The following CCDC25 variants were observed in gnomAD, a reference collection of about 807,000 sequenced individuals.
CCDC25 encodes coiled-coil domain containing 25.
CCDC25 carries 16 observed loss-of-function variants against 35.3 expected under a neutral mutation model. The observed-to-expected ratio is 0.45, with a 90% CI of 0.31 to 0.69. The LOEUF is 0.69. Among genes scored for constraint, CCDC25 ranks in the 30% least tolerant of loss-of-function variants. The pLI, the probability that CCDC25 is intolerant of heterozygous loss-of-function variation, is 0.06. For synonymous variants in CCDC25, 79 were observed against 80.3 expected (o/e 0.98, Z 0.09); for missense variants, 179 against 250.7 (o/e 0.71, Z 1.93).
chr8:27,766,811 C>T (rs181615399), intron 1 of CCDC25, among the ~76,000 whole-genome samples: 19 of 152,100 alleles, frequency 1.2e-4, no homozygotes, highest in Admixed American at 6.6e-4. Context: ...AAACAAAATA[C>T]CATGTACCCA....
intron 3 of CCDC25, among the ~76,000 whole-genome samples, chr8:27,757,119 G>A (rs1033624379): frequency 6.6e-6 from 1 of 152,212 alleles, no homozygotes; most frequent in Admixed American, 6.5e-5. Context: ...GCCCCTGACT[G>A]AAGCATAGGA....
intron 1 of CCDC25, among the ~76,000 whole-genome samples, chr8:27,767,754 G>A (rs111802216): frequency 1.4e-3 from 209 of 152,252 alleles, no homozygotes; most frequent in Non-Finnish European, 2.1e-3. Context: ...GATGAAAAAC[G>A]TCTTTTGAGA....
At chr8:27,761,107 C>A (rs1804213831) in intron 3 of CCDC25, among the ~76,000 whole-genome samples, 1 of 150,852 alleles carries the variant, frequency 6.6e-6, no homozygotes, top group Non-Finnish European at 1.5e-5. Context: ...CCAGCCTCGG[C>A]AACAAGGGCG....
Position 27,763,488 on chromosome 8 carries a change from C to T in CCDC25, c.77-1030G>A, listed in dbSNP as rs185751124. Reference sequence around the variant, plus strand: ...ATCCCAGCACTTTGGGAGGCTGAGGCGAGCAGATCACCTGAGGTCAGGAGT... The same window carrying T: ...ATCCCAGCACTTTGGGAGGCTGAGGTGAGCAGATCACCTGAGGTCAGGAGT... On this transcript the variant is annotated intron_variant, in intron 2 of 8. Coordinates refer to ENST00000356537, the MANE Select transcript of CCDC25 (RefSeq NM_018246.3). Among the ~76,000 whole-genome samples, 5 of 152,236 alleles carry T rather than the reference C, an allele frequency of 3.3e-5. No individual in the cohort carries two copies. In the East Asian group the frequency reaches 5.8e-4, roughly 18 times the overall value.
Position 27,748,294 on chromosome 8 carries a change from G to T in CCDC25, c.349-15C>A. The T allele has an allele frequency of 6.2e-7, 1 of 1,603,800 alleles. No individual in the cohort carries two copies. Among genetic ancestry groups the T allele is most frequent in the South Asian group, 1.1e-5 (1 of 89,096 alleles). ...ACAATTTTTACCTTTAAGGGAGATA[G>T]GAGAAAAGATATTGCATCTTTTTGT... On this transcript the variant is annotated splice_polypyrimidine_tract_variant and intron_variant, in intron 6 of 8. Coordinates refer to ENST00000356537, the MANE Select transcript of CCDC25 (RefSeq NM_018246.3).
intron 2 of CCDC25, 28 bp from the exon 3 acceptor site, chr8:27,762,486 A>G (rs1352958783): frequency 1.2e-6 from 2 of 1,606,834 alleles, no homozygotes; most frequent in South Asian, 1.1e-5. Flanking sequence ...AAACGAAAGA[A>G]ACAAAAACTG....
intron 1 of CCDC25, among the ~76,000 whole-genome samples, chr8:27,770,331 G>A (rs1434924294): frequency 6.6e-6 from 1 of 152,024 alleles, no homozygotes; most frequent in Non-Finnish European, 1.5e-5. Context: ...AATCCTAGCT[G>A]TACCAGAATC....
In CCDC25 at chr8:27,767,372, AAAT is replaced by A. The variant is rs1427159301; in HGVS notation, c.29-2124_29-2122del. 2.0e-5 allele frequency among the ~76,000 whole-genome samples: 3 copies of A among 152,320 alleles called. No homozygotes were observed. In the South Asian group the frequency reaches 6.2e-4, roughly 32 times the overall value. On this transcript the variant is annotated intron_variant, in intron 1 of 8. Transcript: ENST00000356537. ...CAGCAAGACTGTCTCAAAAAAGAAA[AAAT>A]AATAACTGATATAAAATATTAATAA...
chr8:27,734,823 G>C lies in CCDC25; in HGVS notation c.*1393C>G, dbSNP rs1803161809. The C allele has an allele frequency of 1.3e-5, 2 of 152,136 alleles. No homozygotes were observed. Among genetic ancestry groups the C allele is most frequent in the Admixed American group, 1.3e-4 (2 of 15,268 alleles). The allele number at this position is 152,136 out of a possible 1,614,324, so 9.4% of individuals were successfully genotyped here. A position where few individuals can be genotyped will look rare whatever the true frequency, so the allele number is the denominator to read the frequency against. Reference sequence around the variant, plus strand: ...GGAGCACAGCTACGAATACATCTGAGATGTATCAAGAATACATCTGAGAAA... The same window carrying C: ...GGAGCACAGCTACGAATACATCTGACATGTATCAAGAATACATCTGAGAAA... On this transcript the variant is annotated 3_prime_UTR_variant, in exon 9 of 9. Coordinates refer to ENST00000356537, the MANE Select transcript of CCDC25 (RefSeq NM_018246.3).
rs1803912471 is a variant in CCDC25 at position 27,754,114 on chromosome 8, T to C, written c.169-1527A>G. Among the ~76,000 whole-genome samples the C allele has an allele frequency of 2.6e-5, 4 of 152,282 alleles. No homozygotes were observed. The South Asian group carries it at 8.3e-4, about 32-fold the overall frequency. ...TCTTTTGACCCAGGAAATCCATTCC[T>C]AAGAATTATTCTAAGAAAATAATGA... On this transcript the variant is annotated intron_variant, in intron 4 of 8. Coordinates refer to ENST00000356537, the MANE Select transcript of CCDC25 (RefSeq NM_018246.3).
At chr8:27,759,608 C>CAAAA (rs146836795) in intron 3 of CCDC25, among the ~76,000 whole-genome samples, 1 of 88,458 alleles carries the variant, frequency 1.1e-5, no homozygotes, top group African/African-American at 4.8e-5. Flanking sequence ...GACTCTGTCT[C>CAAAA]AAAAAAAAAA....
rs574955242 is a variant in CCDC25 at position 27,757,940 on chromosome 8, C to T, written c.117-1170G>A. ...AAAAGTGCACAGCCCCGGCACCCTG[C>T]TCCTGCCATGTAAGCCGCCTCGCTT... On this transcript the variant is annotated intron_variant, in intron 3 of 8. Transcript: ENST00000356537. Among the ~76,000 whole-genome samples, 8 of 152,260 alleles carry T rather than the reference C, an allele frequency of 5.3e-5. No homozygotes were observed. The East Asian group carries it at 1.5e-3, about 29-fold the overall frequency.
intron 1 of CCDC25, among the ~76,000 whole-genome samples, chr8:27,771,651 T>C (rs1257277838): frequency 6.6e-6 from 1 of 152,114 alleles, no homozygotes; most frequent in Non-Finnish European, 1.5e-5. Flanking sequence ...TCAAGGGACT[T>C]ACACTCTAGC....
intron 1 of CCDC25, among the ~76,000 whole-genome samples, chr8:27,767,082 TAGGC>T (rs1466083687): frequency 6.6e-5 from 10 of 152,164 alleles, no homozygotes; most frequent in African/African-American, 2.4e-4. Context: ...AATAACAATA[TAGGC>T]CAGGTGCAGT....
chr8:27,741,757 T>C (rs1307909651), intron 7 of CCDC25, among the ~76,000 whole-genome samples: 2 of 152,034 alleles, frequency 1.3e-5, no homozygotes, highest in Admixed American at 6.5e-5. Flanking sequence ...AAGAATAATC[T>C]GTAGCAAACA....
At chr8:27,760,639 T>A (rs976912498) in intron 3 of CCDC25, among the ~76,000 whole-genome samples, 1 of 152,164 alleles carries the variant, frequency 6.6e-6, no homozygotes, top group Non-Finnish European at 1.5e-5. Context: ...AAATAGGTGA[T>A]CATTGTCCTC....
In CCDC25 at chr8:27,736,197, CT is replaced by C; in HGVS notation, c.*18del. 6.2e-7 allele frequency: 1 copy of C among 1,605,702 alleles called. No individual in the cohort carries two copies. The highest frequency in any genetic ancestry group is 1.1e-5 in the South Asian group (1 of 88,838). The stretch of plus-strand genomic sequence containing the variant: ...TCTACATTCACATCTTTCAAAGGTC[CT>C]TTTCTCCTTTTCTCCTTTTACATGA... On this transcript the variant is annotated 3_prime_UTR_variant, in exon 9 of 9. Coordinates refer to ENST00000356537, the MANE Select transcript of CCDC25 (RefSeq NM_018246.3).
At position 27,734,071 on chromosome 8, in the gene CCDC25, A is replaced by G. The variant is rs1375233514; in HGVS notation, c.*2145T>C. On this transcript the variant is annotated 3_prime_UTR_variant, in exon 9 of 9. Coordinates refer to ENST00000356537, the MANE Select transcript of CCDC25 (RefSeq NM_018246.3). Reference sequence around the variant, plus strand: ...AACACATAGACACTGAAGGGGTTCAACTAATGTCCATCACTTATTCTGCTA... The same window carrying G: ...AACACATAGACACTGAAGGGGTTCAGCTAATGTCCATCACTTATTCTGCTA... 1.3e-5 allele frequency: 2 copies of G among 152,222 alleles called. No homozygotes were observed. Among genetic ancestry groups the G allele is most frequent in the Non-Finnish European group, 2.9e-5 (2 of 68,042 alleles). 9.4% of individuals were successfully genotyped at this position (152,222 alleles called of 1,614,324 possible).
chr8:27,756,504 T>C, intron 4 of CCDC25: 1 of 521,550 alleles, frequency 1.9e-6, no homozygotes, highest in Non-Finnish European at 3.4e-6. Flanking sequence ...TGCATCTAGC[T>C]GGGAAATATG....
Sources: allele counts gnomAD v4.1 joint callset (sites outside exome capture counted in the v4.1 genomes callset), GRCh38; gene constraint gnomAD v4.1.1; transcripts MANE v1.5; gene names NCBI Gene and HGNC (gene_info 2026-07-23, HGNC 2026-07-21).